Variants in ADAM32 observed in about 807,000 individuals in gnomAD.
The protein encoded by ADAM32 is ADAM metallopeptidase domain 32.
In ADAM32, 89 loss-of-function variants were observed where a neutral mutation model predicts 114.9. That is an observed-to-expected ratio of 0.77 (90% CI 0.65 to 0.92). ADAM32 has a LOEUF of 0.92. Among genes scored for constraint, ADAM32 ranks in the 40% least tolerant of loss-of-function variants. ADAM32 has a pLI of 0.00. For missense variants in ADAM32, 870 were observed against 932.8 expected, an observed-to-expected ratio of 0.93 and a Z score of 0.88; for synonymous variants, 285 against 307.5, an observed-to-expected ratio of 0.93 and a Z score of 0.77.
chr8:39,131,223 TG>T (rs1457150142), intron 2 of ADAM32, among the ~76,000 whole-genome samples: 2 of 152,124 alleles, frequency 1.3e-5, no homozygotes, highest in African/African-American at 4.8e-5. Context: ...CCTAAAGTGC[TG>T]GGATTACAGG....
At chr8:39,185,903 G>A (rs1002434468) in intron 10 of ADAM32, among the ~76,000 whole-genome samples, 2 of 151,878 alleles carry the variant, frequency 1.3e-5, no homozygotes, top group Non-Finnish European at 2.9e-5. Context: ...TTAAATGCAG[G>A]GGCTCTCTCA....
intron 17 of ADAM32, 79 bp downstream of exon 17, chr8:39,246,245 G>T: frequency 7.5e-7 from 1 of 1,328,864 alleles, no homozygotes. Context: ...GACATTTTTT[G>T]GGTCACTACC....
intron 14 of ADAM32, chr8:39,224,177 A>G (rs549830655): frequency 1.3e-5 from 2 of 152,326 alleles, no homozygotes; most frequent in African/African-American, 4.8e-5. Flanking sequence ...TACTTTTTCA[A>G]TCAAATAGAC....
At chr8:39,223,508 G>T (rs1461715100) in intron 14 of ADAM32, 2 of 185,024 alleles carry the variant, frequency 1.1e-5, no homozygotes, top group Admixed American at 6.1e-5. Context: ...CTTTGCTGAC[G>T]TATAATTGAC....
chr8:39,166,244 T>A (rs763161214), intron 9 of ADAM32: 1 of 152,198 alleles, frequency 6.6e-6, no homozygotes, highest in South Asian at 2.1e-4. Flanking sequence ...ATCATTCTTA[T>A]GCCTTTGCCT....
At chr8:39,216,222 C>A (rs1436618618) in intron 12 of ADAM32, among the ~76,000 whole-genome samples, 1 of 151,954 alleles carries the variant, frequency 6.6e-6, no homozygotes, top group African/African-American at 2.4e-5. Context: ...GCTACTCCTG[C>A]TCTTTGTTTA....
In ADAM32 at chr8:39,186,984, T is replaced by C. The variant is rs1177781032; in HGVS notation, c.991T>C (p.Tyr331His). The stretch of plus-strand genomic sequence containing the variant: ...GCTGGCACTCAGTCTGGGAATATCA[T>C]ATGACGACCCAAAGAAATGTCAATG... ...QMLALSLGIS[Y>H]DDPKKCQCSE... The change falls in exon 11 of 25, where the codon TAT becomes CAT. Residue 331 changes from tyrosine (Y) to histidine (H), a missense_variant. By Grantham distance (83) the Tyr-to-His change is moderately conservative. Coordinates refer to ENST00000379907, the MANE Select transcript of ADAM32 (RefSeq NM_145004.7). 2 of 1,613,318 alleles carry C rather than the reference T, an allele frequency of 1.2e-6. No individual in the cohort carries two copies. The highest frequency in any genetic ancestry group is 8.5e-7 in the Non-Finnish European group (1 of 1,179,476).
In ADAM32 at chr8:39,244,371, A is replaced by C. The variant is rs1810757112; in HGVS notation, c.1819-1712A>C. On this transcript the variant is annotated intron_variant, in intron 16 of 24. Transcript: ENST00000379907. ...AAGAAAACCCAAAAAACAAATCTGGAAGCATCACATTACCTGACTTCAAAC... is the reference window on the plus strand; with the variant it reads ...AAGAAAACCCAAAAAACAAATCTGGCAGCATCACATTACCTGACTTCAAAC... 1.3e-5 allele frequency among the ~76,000 whole-genome samples: 2 copies of C among 152,198 alleles called. 1 individual carries two copies. Among genetic ancestry groups the C allele is most frequent in the South Asian group, 4.1e-4 (2 of 4,832 alleles).
In ADAM32 at chr8:39,281,153, G is replaced by T; in HGVS notation, c.2297G>T (p.Ser766Ile). 7.3e-7 allele frequency: 1 copy of T among 1,372,978 alleles called. No individual in the cohort carries two copies. The highest frequency in any genetic ancestry group is 9.6e-7 in the Non-Finnish European group (1 of 1,039,828). 85.0% of individuals were successfully genotyped at this position (1,372,978 alleles called of 1,614,324 possible). A position where few individuals can be genotyped will look rare whatever the true frequency, so the allele number is the denominator to read the frequency against. Residue 766 changes from serine (S) to isoleucine (I), a missense_variant, in exon 23 of 25, where the codon AGT (serine) becomes ATT (isoleucine). Ser to Ile is a moderately radical substitution (Grantham distance 142, BLOSUM62 -2). Coordinates refer to ENST00000379907, the MANE Select transcript of ADAM32 (RefSeq NM_145004.7). Reference sequence around the variant, plus strand: ...ATTTTTAGATCCAAATCAGAAGATAGTGCTGAAGCATATACTAGCAGGTAA... The same window carrying T: ...ATTTTTAGATCCAAATCAGAAGATATTGCTGAAGCATATACTAGCAGGTAA... The part of the protein sequence containing the change: ...ADTSKSKSED[S>I]AEAYTSRSKS...
At chr8:39,114,059 G>A (rs1009984099) in intron 1 of ADAM32, among the ~76,000 whole-genome samples, 4 of 151,988 alleles carry the variant, frequency 2.6e-5, no homozygotes, top group Non-Finnish European at 4.4e-5. Flanking sequence ...TAATTTCAAC[G>A]AGCTAGTTCA....
At chr8:39,201,570 C>A (rs1807413577) in intron 11 of ADAM32, among the ~76,000 whole-genome samples, 1 of 152,214 alleles carries the variant, frequency 6.6e-6, no homozygotes, top group African/African-American at 2.4e-5. Flanking sequence ...ACGTCATCTG[C>A]AAACAGGGAC....
chr8:39,160,893 C>A lies in ADAM32; in HGVS notation c.526-4C>A. On this transcript the variant is annotated splice_region_variant and splice_polypyrimidine_tract_variant and intron_variant, in intron 6 of 24. Transcript: ENST00000379907. Reference sequence around the variant, plus strand: ...GTATTATATGCTGTTTTCCTTTTTTCTAGTCAGAACCAGCTGTTCCAGATT... The same window carrying A: ...GTATTATATGCTGTTTTCCTTTTTTATAGTCAGAACCAGCTGTTCCAGATT... The A allele has an allele frequency of 6.3e-7, 1 of 1,579,606 alleles. No homozygotes were observed. The highest frequency in any genetic ancestry group is 1.9e-5 in the Admixed American group (1 of 53,170).
At chr8:39,195,669 C>T (rs1017657863) in intron 11 of ADAM32, among the ~76,000 whole-genome samples, 2 of 141,510 alleles carry the variant, frequency 1.4e-5, no homozygotes, top group African/African-American at 2.5e-5. Flanking sequence ...TCCCAGCACA[C>T]GTATATGTTC....
intron 11 of ADAM32, among the ~76,000 whole-genome samples, chr8:39,197,770 G>T (rs1332823646): frequency 7.9e-5 from 12 of 152,108 alleles, no homozygotes. Context: ...ATGTACTAAT[G>T]AAAAGAATGT....
intron 17 of ADAM32, among the ~76,000 whole-genome samples, chr8:39,248,270 C>A (rs1453645590): frequency 2.6e-5 from 4 of 152,170 alleles, no homozygotes; most frequent in African/African-American, 7.2e-5. Context: ...ATCTATAGAT[C>A]AAGTTAGTAA....
chr8:39,234,080 A>C lies in ADAM32; in HGVS notation c.1816A>C (p.Arg606=), dbSNP rs770649103. ...VKNGSQCDIG[R]VCVNRECVES... ...AAATGGCTCTCAGTGTGATATTGGG[A>C]GGGTAAATAATTTAAAATCTATTTA... Residue 606 remains arginine, a splice_region_variant and synonymous_variant, in exon 16 of 25, where the codon AGG becomes CGG. Transcript: ENST00000379907. The C allele has an allele frequency of 1.5e-6, 2 of 1,364,054 alleles. No homozygotes were observed. The highest frequency in any genetic ancestry group is 4.2e-5 in the South Asian group (2 of 48,042). 84.5% of individuals were successfully genotyped at this position (1,364,054 alleles called of 1,614,324 possible).
chr8:39,138,689 A>T (rs1157273588), intron 3 of ADAM32, among the ~76,000 whole-genome samples: 3 of 152,222 alleles, frequency 2.0e-5, no homozygotes, highest in African/African-American at 7.2e-5. Context: ...GTATATACCA[A>T]GTAATGGGAT....
At chr8:39,242,105 C>T (rs1339787648) in intron 16 of ADAM32, among the ~76,000 whole-genome samples, 2 of 152,212 alleles carry the variant, frequency 1.3e-5, no homozygotes, top group African/African-American at 4.8e-5. Context: ...TCTGCTAAAA[C>T]ATAGTAAGAG....
intron 3 of ADAM32, 21 bp from the exon 4 acceptor site, chr8:39,147,109 T>G (rs1803552292): frequency 4.4e-6 from 4 of 902,468 alleles, no homozygotes; most frequent in East Asian, 3.8e-5. Flanking sequence ...TTAAAAAAAT[T>G]TCCTCTTTTT....
Sources: gnomAD v4.1 joint callset for allele counts (sites outside exome capture counted in the v4.1 genomes callset) on GRCh38, gnomAD v4.1.1 for gene constraint, MANE v1.5 for transcripts, NCBI Gene and HGNC (gene_info 2026-07-23, HGNC 2026-07-21) for gene names.